Variants in ADGRD1 observed in about 807,000 individuals in gnomAD.
ADGRD1 encodes the protein adhesion G protein-coupled receptor D1, also known as G-protein coupled receptor 133.
Under a neutral mutation model 113.4 loss-of-function variants are expected in ADGRD1, and 77 were observed. That is an observed-to-expected ratio of 0.68 (90% CI 0.57 to 0.82). The LOEUF is 0.82. ADGRD1 is among the 40% of genes least tolerant of loss of function. The pLI is 0.00. For missense variants in ADGRD1, 1,036 were observed against 1,139.1 expected, an observed-to-expected ratio of 0.91 and a Z score of 1.30; for synonymous variants, 474 against 475.0, an observed-to-expected ratio of 1.00 and a Z score of 0.03.
chr12:131,039,736 TAAGCC>T (rs1593098864), intron 13 of ADGRD1, among the ~76,000 whole-genome samples: 1 of 152,308 alleles, frequency 6.6e-6, no homozygotes, highest in East Asian at 1.9e-4. Context: ...CCCCTGCCGC[TAAGCC>T]CAGGCTCACG....
At chr12:131,105,893 C>T (rs778633251) in intron 17 of ADGRD1, 28 bp downstream of exon 17, 32 of 1,523,184 alleles carry the variant, frequency 2.1e-5, no homozygotes, top group African/African-American at 1.4e-4. Context: ...CGTGTTCCTG[C>T]GCTGTCCTTC....
intron 15 of ADGRD1, among the ~76,000 whole-genome samples, chr12:131,093,243 T>C (rs1887034599): frequency 6.6e-6 from 1 of 152,182 alleles, no homozygotes; most frequent in Non-Finnish European, 1.5e-5. Flanking sequence ...CCTCCTGAGC[T>C]GATGCCCTGC....
intron 13 of ADGRD1, chr12:131,023,498 T>C (rs1879572602): frequency 6.6e-6 from 1 of 152,194 alleles, no homozygotes; most frequent in Non-Finnish European, 1.5e-5. Flanking sequence ...ATCTCTTTTG[T>C]GCCAAATGAA....
intron 13 of ADGRD1, among the ~76,000 whole-genome samples, chr12:131,031,085 C>G (rs934702690): frequency 6.6e-6 from 1 of 152,220 alleles, no homozygotes; most frequent in Non-Finnish European, 1.5e-5. Flanking sequence ...CTCATCCCAA[C>G]TCACCACACT....
At chr12:131,018,344 G>C (rs1034958266) in intron 13 of ADGRD1, among the ~76,000 whole-genome samples, 1 of 152,136 alleles carries the variant, frequency 6.6e-6, no homozygotes, top group Non-Finnish European at 1.5e-5. Flanking sequence ...GAGGGGCATC[G>C]GCTCGGGTTT....
chr12:131,012,918 A>G (rs1207293034), intron 12 of ADGRD1, among the ~76,000 whole-genome samples: 1 of 152,172 alleles, frequency 6.6e-6, no homozygotes, highest in East Asian at 1.9e-4. Context: ...CGGTGACAGC[A>G]CGTCTCAGGC....
chr12:131,131,380 A>G (rs1374649488), intron 20 of ADGRD1, among the ~76,000 whole-genome samples: 1 of 152,226 alleles, frequency 6.6e-6, no homozygotes, highest in Non-Finnish European at 1.5e-5. Context: ...TGGGGCACTG[A>G]GGCTCCGAGG....
At chr12:131,030,166 G>A (rs79589615) in intron 13 of ADGRD1, among the ~76,000 whole-genome samples, 3 of 113,830 alleles carry the variant, frequency 2.6e-5, no homozygotes, top group Admixed American at 9.0e-5. Context: ...TTGTGGACCC[G>A]TCGTATGGTG....
intron 13 of ADGRD1, among the ~76,000 whole-genome samples, chr12:131,059,027 A>G (rs541675546): frequency 3.3e-5 from 5 of 152,268 alleles, no homozygotes; most frequent in African/African-American, 1.2e-4. Context: ...ACGGGTCCTC[A>G]AGGCTCTGTT....
chr12:130,978,231 TG>T (rs1460584059), intron 4 of ADGRD1: 1 of 152,234 alleles, frequency 6.6e-6, no homozygotes, highest in African/African-American at 2.4e-5. Context: ...TTTCCCTGGA[TG>T]GTTGTCTGTC....
intron 4 of ADGRD1, among the ~76,000 whole-genome samples, chr12:130,972,038 C>G (rs1291092510): frequency 2.6e-5 from 4 of 152,150 alleles, no homozygotes. Context: ...TCGAGAGGGG[C>G]TGGGCAGTGG....
At chr12:131,121,006 G>A in intron 20 of ADGRD1, 93 bp downstream of exon 20, 1 of 1,155,844 alleles carries the variant, frequency 8.7e-7, no homozygotes, top group Non-Finnish European at 1.3e-6. Context: ...GGCTCCCTGA[G>A]GAGCTTCCGA....
At chr12:131,131,254 T>G (rs1160407936) in intron 20 of ADGRD1, among the ~76,000 whole-genome samples, 1 of 152,182 alleles carries the variant, frequency 6.6e-6, no homozygotes, top group African/African-American at 2.4e-5. Context: ...CCGCAGCTTC[T>G]GTGGCTCGCA....
intron 6 of ADGRD1, chr12:130,989,288 G>T (rs984553024): frequency 2.0e-5 from 3 of 152,242 alleles, no homozygotes; most frequent in Non-Finnish European, 4.4e-5. Context: ...ACTTGTTTTA[G>T]TAACACTGGA....
At chr12:130,972,957 G>A (rs962643829) in intron 4 of ADGRD1, 2 of 152,220 alleles carry the variant, frequency 1.3e-5, no homozygotes, top group Non-Finnish European at 1.5e-5. Flanking sequence ...TCTGCACGCC[G>A]AGGTCACACA....
At chr12:131,123,273 G>A (rs938605497) in intron 20 of ADGRD1, among the ~76,000 whole-genome samples, 14 of 151,152 alleles carry the variant, frequency 9.3e-5, no homozygotes, top group African/African-American at 3.1e-4. Context: ...TCTAACTCCT[G>A]ACCTCAGGTG....
intron 13 of ADGRD1, among the ~76,000 whole-genome samples, chr12:131,039,768 A>T (rs1881930356): frequency 6.6e-6 from 1 of 152,222 alleles, no homozygotes; most frequent in Admixed American, 6.5e-5. Context: ...AAGGGCCCAG[A>T]CTCAGCTGGG....
At chr12:131,105,718 C>CA in intron 16 of ADGRD1, 36 bp from the exon 17 acceptor site, 1 of 1,539,104 alleles carries the variant, frequency 6.5e-7, no homozygotes. Flanking sequence ...TGGGTCGGCG[C>CA]AGGGCCCAGG....
chr12:131,140,808 C>G lies in ADGRD1; in HGVS notation c.*1545C>G, dbSNP rs980033343. On this transcript the variant is annotated 3_prime_UTR_variant, in exon 25 of 25. Coordinates refer to ENST00000261654, the MANE Select transcript of ADGRD1 (RefSeq NM_198827.5). Reference sequence around the variant, plus strand: ...GGAGCAGCATGTCTGCAGGGGTGAACCTTTGCTCTTCTGTCAGGCGAGGCC... The same window carrying G: ...GGAGCAGCATGTCTGCAGGGGTGAAGCTTTGCTCTTCTGTCAGGCGAGGCC... 6.6e-6 allele frequency: 1 copy of G among 152,230 alleles called. No homozygotes were observed. Among genetic ancestry groups the G allele is most frequent in the African/African-American group, 2.4e-5 (1 of 41,450 alleles). The allele number at this position is 152,230 out of a possible 1,614,324, so 9.4% of individuals were successfully genotyped here. A position where few individuals can be genotyped will look rare whatever the true frequency, so the allele number is the denominator to read the frequency against.
Sources: allele counts gnomAD v4.1 joint callset (sites outside exome capture counted in the v4.1 genomes callset), GRCh38; gene constraint gnomAD v4.1.1; transcripts MANE v1.5; gene names NCBI Gene and HGNC (gene_info 2026-07-23, HGNC 2026-07-21).